The following PILRA variants were observed in gnomAD, a reference collection of about 807,000 sequenced individuals.
PILRA encodes paired immunoglobulin-like type 2 receptor alpha.
A neutral mutation model predicts 33.1 loss-of-function variants in PILRA; 37 were observed. The ratio of observed to expected loss-of-function variants is 1.12; its 90% CI spans 0.86 to 1.47. PILRA has a LOEUF of 1.47. Ranked by LOEUF, PILRA falls within the 40% of genes most tolerant of loss-of-function variation. The pLI is 0.00. For synonymous variants in PILRA, 146 were observed against 149.9 expected (o/e 0.97, Z 0.19); for missense variants, 312 against 376.2 (o/e 0.83, Z 1.41).
intron 2 of PILRA, among the ~76,000 whole-genome samples, chr7:100,381,511 C>T (rs969196112): frequency 1.3e-5 from 2 of 151,604 alleles, no homozygotes; most frequent in African/African-American, 4.8e-5. Context: ...AAAATGCACC[C>T]AAGGATGAAA....
At chr7:100,398,676 C>T (rs1216566428) in intron 4 of PILRA, among the ~76,000 whole-genome samples, 5 of 152,198 alleles carry the variant, frequency 3.3e-5, no homozygotes, top group Admixed American at 1.3e-4. Flanking sequence ...GCCAAGGCAG[C>T]GCCAGCAGAG....
At chr7:100,389,329 T>C (rs767312673) in intron 2 of PILRA, among the ~76,000 whole-genome samples, 7 of 152,172 alleles carry the variant, frequency 4.6e-5, no homozygotes, top group Non-Finnish European at 7.3e-5. Flanking sequence ...AGTTGGATGG[T>C]GTGATGGTTG....
chr7:100,379,383 A>T (rs1015086724), intron 2 of PILRA, among the ~76,000 whole-genome samples: 1 of 151,812 alleles, frequency 6.6e-6, no homozygotes, highest in African/African-American at 2.4e-5. Context: ...TGTCTCAAAA[A>T]AAGGCCAGGT....
chr7:100,373,969 G>A (rs1563114189), intron 1 of PILRA, 75 bp from the exon 2 acceptor site: 2 of 1,555,396 alleles, frequency 1.3e-6, no homozygotes, highest in East Asian at 2.3e-5. Context: ...AGGTGCGGGA[G>A]GGTCTGGGGT....
chr7:100,393,845 A>C (rs1791438922), intron 3 of PILRA, among the ~76,000 whole-genome samples: 1 of 151,894 alleles, frequency 6.6e-6, no homozygotes, highest in Non-Finnish European at 1.5e-5. Context: ...CTATGCCTCA[A>C]CTCTCTGTTC....
chr7:100,384,624 A>T (rs182858271), intron 2 of PILRA, among the ~76,000 whole-genome samples: 2,211 of 151,324 alleles, frequency 0.015, 31 homozygotes, highest in Non-Finnish European at 0.018. Context: ...CCACAAAAAA[A>T]TTTTTTTTTA....
chr7:100,374,669 C>A, intron 2 of PILRA: 1 of 580,870 alleles, frequency 1.7e-6, no homozygotes, highest in Non-Finnish European at 3.1e-6. Context: ...CAGATCCAGC[C>A]CCGCCCCCAC....
At chr7:100,392,943 C>T (rs1791417599) in intron 3 of PILRA, among the ~76,000 whole-genome samples, 2 of 152,142 alleles carry the variant, frequency 1.3e-5, no homozygotes. Flanking sequence ...GCAGTAGAGA[C>T]AGTCTTCCTC....
chr7:100,381,839 G>A (rs753321056), intron 2 of PILRA, among the ~76,000 whole-genome samples: 16 of 152,194 alleles, frequency 1.1e-4, no homozygotes, highest in Non-Finnish European at 1.9e-4. Flanking sequence ...GGCCGGCCCC[G>A]GGCAGTGAGG....
upstream of PILRA, among the ~76,000 whole-genome samples, chr7:100,371,301 T>C (rs546343548): frequency 6.6e-6 from 1 of 152,250 alleles, no homozygotes; most frequent in South Asian, 2.1e-4. Flanking sequence ...TTACAGCAAG[T>C]CTTGAAGTCA....
chr7:100,399,849 G>T lies in PILRA; in HGVS notation c.854G>T (p.Ser285Ile). Residue 285 changes from serine to isoleucine, a missense_variant, in exon 7 of 7, where the codon AGC becomes ATC. By Grantham distance (142) the Ser-to-Ile change is moderately radical (BLOSUM62 -2). Coordinates refer to ENST00000198536, the MANE Select transcript of PILRA (RefSeq NM_013439.3). Reference sequence around the variant, plus strand: ...TCCACCTCACCCAGAGCACCTCCCAGCCACCGTCCCCTCAAGAGCCCCCAG... The same window carrying T: ...TCCACCTCACCCAGAGCACCTCCCATCCACCGTCCCCTCAAGAGCCCCCAG... ...SSSTSPRAPP[S>I]HRPLKSPQNE... The T allele has an allele frequency of 6.2e-7, 1 of 1,613,684 alleles. No individual in the cohort carries two copies. The highest frequency in any genetic ancestry group is 8.5e-7 in the Non-Finnish European group (1 of 1,179,814).
chr7:100,394,045 C>G (rs2130231591), intron 3 of PILRA, among the ~76,000 whole-genome samples: 1 of 152,206 alleles, frequency 6.6e-6, no homozygotes, highest in East Asian at 1.9e-4. Context: ...TTTTCTGTAA[C>G]TAAGAATAAT....
chr7:100,373,351 C>T, upstream of PILRA: 1 of 549,310 alleles, frequency 1.8e-6, no homozygotes, highest in South Asian at 2.3e-5. Flanking sequence ...GGCCCAGCCC[C>T]CCAAGGTCAG....
rs377667429 is a variant in PILRA, at chr7:100,386,439, G to C, written c.455-3449G>C. On this transcript the variant is annotated intron_variant, in intron 2 of 6. Transcript: ENST00000198536. ...GAATCCCTTGAAGCAGGGAGTTGGA[G>C]GTTGCAGTGAGCCGAGATTGTACCA... 5.3e-5 allele frequency among the ~76,000 whole-genome samples: 8 copies of C among 152,158 alleles called. No individual in the cohort carries two copies. The East Asian group carries it at 9.7e-4, about 18-fold the overall frequency.
intron 3 of PILRA, among the ~76,000 whole-genome samples, chr7:100,390,952 T>A (rs1162801053): frequency 1.3e-5 from 2 of 151,660 alleles, no homozygotes; most frequent in African/African-American, 4.8e-5. Flanking sequence ...CCAGGCTGGG[T>A]CAGTGCAGTG....
intron 2 of PILRA, among the ~76,000 whole-genome samples, chr7:100,388,279 C>A (rs572859991): frequency 6.6e-6 from 1 of 151,984 alleles, no homozygotes; most frequent in Admixed American, 6.6e-5. Context: ...ATTTTTTTGT[C>A]CTGTGGCTGA....
intron 4 of PILRA, among the ~76,000 whole-genome samples, chr7:100,398,310 T>C (rs1279994921): frequency 6.6e-6 from 1 of 152,196 alleles, no homozygotes; most frequent in East Asian, 1.9e-4. Flanking sequence ...CTGCTGAATG[T>C]GCAGGGAACT....
intron 2 of PILRA, among the ~76,000 whole-genome samples, chr7:100,379,583 G>A (rs764082665): frequency 1.3e-5 from 2 of 149,374 alleles, no homozygotes; most frequent in Non-Finnish European, 3.0e-5. Flanking sequence ...CAGAAGAATC[G>A]CTTGAACCTG....
intron 2 of PILRA, among the ~76,000 whole-genome samples, chr7:100,377,492 C>T (rs1259496808): frequency 2.0e-5 from 3 of 151,602 alleles, no homozygotes; most frequent in South Asian, 2.1e-4. Flanking sequence ...CTGCCCGCCT[C>T]GGCCTCCCAA....
Sources: allele counts gnomAD v4.1 joint callset (sites outside exome capture counted in the v4.1 genomes callset), GRCh38; gene constraint gnomAD v4.1.1; transcripts MANE v1.5; gene names NCBI Gene and HGNC (gene_info 2026-07-23, HGNC 2026-07-21).